GNAQ: variants seen among roughly 807,000 people sequenced by gnomAD.
GNAQ encodes the protein G protein subunit alpha q, also known as guanine nucleotide-binding protein G(q) subunit alpha.
Under a neutral mutation model 43.9 loss-of-function variants are expected in GNAQ, and 8 were observed. The ratio of observed to expected loss-of-function variants is 0.18; its 90% confidence interval spans 0.11 to 0.33. The LOEUF (loss-of-function observed/expected upper bound fraction) is 0.33, where lower values mean the gene tolerates loss of function less well. Among genes scored for constraint, GNAQ ranks in the 10% least tolerant of loss-of-function variants. The probability of loss-of-function intolerance (pLI) is 1.00; values close to 1 mark genes in which losing one functional copy is unlikely to be tolerated. For synonymous variants in GNAQ, 155 were observed against 170.7 expected (o/e 0.91, Z 0.71); for missense variants, 158 against 450.8 (o/e 0.35, Z 5.88).
intron 5 of GNAQ, among the ~76,000 whole-genome samples, chr9:77,766,207 G>A (rs1212746266): frequency 6.6e-6 from 1 of 152,246 alleles, no homozygotes; most frequent in East Asian, 1.9e-4. Context: ...AAATTAAATA[G>A]TAAATTTTAT....
At chr9:77,758,002 T>C (rs1350831498) in intron 5 of GNAQ, among the ~76,000 whole-genome samples, 1 of 152,208 alleles carries the variant, frequency 6.6e-6, no homozygotes, top group African/African-American at 2.4e-5. Context: ...ACATCAGTCA[T>C]CCCAACTATT....
intron 1 of GNAQ, among the ~76,000 whole-genome samples, chr9:77,949,183 A>G (rs1822944449): frequency 6.6e-6 from 1 of 152,214 alleles, no homozygotes; most frequent in Non-Finnish European, 1.5e-5. Flanking sequence ...CAAAACTGGT[A>G]TGTGAACCCA....
intron 2 of GNAQ, among the ~76,000 whole-genome samples, chr9:77,869,375 T>C (rs1333619908): frequency 6.6e-6 from 1 of 152,226 alleles, no homozygotes; most frequent in African/African-American, 2.4e-5. Context: ...AGAATATTGA[T>C]GAAATTAATA....
chr9:77,937,934 C>A (rs777460526), intron 1 of GNAQ, among the ~76,000 whole-genome samples: 1 of 152,058 alleles, frequency 6.6e-6, no homozygotes, highest in Non-Finnish European at 1.5e-5. Flanking sequence ...GATAGAAGAG[C>A]TTGCTGCTAA....
At chr9:77,921,396 G>A (rs1195507113) in intron 2 of GNAQ, among the ~76,000 whole-genome samples, 1 of 152,206 alleles carries the variant, frequency 6.6e-6, no homozygotes, top group East Asian at 1.9e-4. Flanking sequence ...CAACACTCAG[G>A]TATACCAATC....
intron 5 of GNAQ, among the ~76,000 whole-genome samples, chr9:77,753,527 A>G (rs1825850680): frequency 1.3e-5 from 2 of 152,232 alleles, no homozygotes; most frequent in South Asian, 2.1e-4. Flanking sequence ...CTTTTTAGTT[A>G]GTGAACGAAT....
chr9:77,839,127 T>C (rs1278100006), intron 2 of GNAQ, among the ~76,000 whole-genome samples: 2 of 152,150 alleles, frequency 1.3e-5, no homozygotes, highest in African/African-American at 2.4e-5. Flanking sequence ...CCATCTCTCT[T>C]ATTCCCCCAG....
In GNAQ at chr9:77,835,538, A is replaced by G. The variant is rs531746456; in HGVS notation, c.322-19768T>C. Among the ~76,000 whole-genome samples, 6 of 152,204 alleles carry G rather than the reference A, an allele frequency of 3.9e-5. No homozygotes were observed. In the East Asian group the frequency reaches 5.8e-4, roughly 15 times the overall value. On this transcript the variant is annotated intron_variant, in intron 2 of 6. Coordinates refer to ENST00000286548, the MANE Select transcript of GNAQ (RefSeq NM_002072.5). ...AAAATTTTATGCAGCATAAAATCATATATGTAAAATCATATATAGTAAAGA... is the reference window on the plus strand; with the variant it reads ...AAAATTTTATGCAGCATAAAATCATGTATGTAAAATCATATATAGTAAAGA...
intron 2 of GNAQ, among the ~76,000 whole-genome samples, chr9:77,826,684 T>A (rs1827203217): frequency 6.6e-6 from 1 of 152,242 alleles, no homozygotes; most frequent in Non-Finnish European, 1.5e-5. Context: ...CTTTGGGATC[T>A]CTCCAAGCCT....
intron 5 of GNAQ, among the ~76,000 whole-genome samples, chr9:77,779,682 A>AAAC (rs1188622628): frequency 6.6e-3 from 49 of 7,410 alleles, no homozygotes; most frequent in African/African-American, 0.025. Context: ...AAACAAAACA[A>AAAC]AAAAAAAAAA....
At chr9:77,830,662 T>C (rs1323311876) in intron 2 of GNAQ, among the ~76,000 whole-genome samples, 1 of 152,250 alleles carries the variant, frequency 6.6e-6, no homozygotes, top group Non-Finnish European at 1.5e-5. Flanking sequence ...TGGCAGATAT[T>C]TTTGTATGAA....
At chr9:77,896,052 C>T (rs551123827) in intron 2 of GNAQ, among the ~76,000 whole-genome samples, 2 of 152,198 alleles carry the variant, frequency 1.3e-5, no homozygotes, top group Non-Finnish European at 2.9e-5. Flanking sequence ...TTAGAAAATA[C>T]CTAAAATTTT....
chr9:77,872,181 A>C (rs1414326556), intron 2 of GNAQ, among the ~76,000 whole-genome samples: 1 of 152,212 alleles, frequency 6.6e-6, no homozygotes. Flanking sequence ...GAGCTAAGTA[A>C]TTGCAACTAT....
intron 1 of GNAQ, 41 bp from the exon 2 acceptor site, chr9:77,922,386 A>G: frequency 7.0e-7 from 1 of 1,437,902 alleles, no homozygotes; most frequent in Non-Finnish European, 9.7e-7. Flanking sequence ...CCACAGTGCC[A>G]TCTCAGTCTC....
At chr9:77,802,955 A>C (rs1826769653) in intron 3 of GNAQ, among the ~76,000 whole-genome samples, 1 of 152,086 alleles carries the variant, frequency 6.6e-6, no homozygotes, top group South Asian at 2.1e-4. Context: ...CCCCGAGCTC[A>C]ATATTCTTCC....
At chr9:77,802,546 G>A (rs1356969135) in intron 3 of GNAQ, among the ~76,000 whole-genome samples, 1 of 151,536 alleles carries the variant, frequency 6.6e-6, no homozygotes, top group East Asian at 1.9e-4. Flanking sequence ...CCATTCATTC[G>A]ACCTTTTAAA....
intron 1 of GNAQ, among the ~76,000 whole-genome samples, chr9:77,943,676 T>C (rs1180680030): frequency 3.3e-5 from 5 of 150,434 alleles, no homozygotes; most frequent in Non-Finnish European, 7.4e-5. Flanking sequence ...TTTTTTTTTT[T>C]TTTTTGAGAC....
chr9:77,828,358 C>A (rs1012807013), intron 2 of GNAQ, among the ~76,000 whole-genome samples: 20 of 152,146 alleles, frequency 1.3e-4, no homozygotes, highest in African/African-American at 4.8e-4. Context: ...CCAGTAGACA[C>A]TGCACAGGAG....
At chr9:77,731,223 G>T (rs979576313) in intron 5 of GNAQ, among the ~76,000 whole-genome samples, 1 of 152,266 alleles carries the variant, frequency 6.6e-6, no homozygotes, top group South Asian at 2.1e-4. Flanking sequence ...TAGACTATGC[G>T]CAGAGACAGG....
Sources: gnomAD v4.1 joint callset for allele counts (sites outside exome capture counted in the v4.1 genomes callset) on GRCh38, gnomAD v4.1.1 for gene constraint, MANE v1.5 for transcripts, NCBI Gene and HGNC (gene_info 2026-07-23, HGNC 2026-07-21) for gene names.